APP: variants seen among roughly 807,000 people sequenced by gnomAD.
APP encodes amyloid-beta precursor protein.
Under a neutral mutation model 101.4 loss-of-function variants are expected in APP, and 31 were observed. The ratio of observed to expected loss-of-function variants is 0.31; its 90% CI spans 0.23 to 0.41. The LOEUF is 0.41. Ranked by LOEUF, APP falls within the 10% of genes least tolerant of loss-of-function variation. The pLI, the probability that APP is intolerant of heterozygous loss-of-function variation, is 1.00. For missense variants in APP, 839 were observed against 1,003.7 expected, an observed-to-expected ratio of 0.84 and a Z score of 2.22; for synonymous variants, 366 against 364.4, an observed-to-expected ratio of 1.00 and a Z score of -0.05.
rs527277111 is a variant in APP, at chr21:26,011,014, A to T, written c.865+10826T>A. ...GCACTCCAGCCTGGGCGACAGCAAG[A>T]CTCCGTCTTTGGGGGATGAGACACA... On this transcript the variant is annotated intron_variant, in intron 6 of 17. Transcript: ENST00000346798. 4.6e-5 allele frequency among the ~76,000 whole-genome samples: 7 copies of T among 151,164 alleles called. No individual in the cohort carries two copies. The East Asian group carries it at 1.4e-3, about 29-fold the overall frequency.
At chr21:26,084,625 G>A (rs2061667841) in intron 3 of APP, among the ~76,000 whole-genome samples, 1 of 152,186 alleles carries the variant, frequency 6.6e-6, no homozygotes, top group African/African-American at 2.4e-5. Context: ...AGGAATCTGT[G>A]AGATAAATGT....
intron 11 of APP, among the ~76,000 whole-genome samples, chr21:25,970,441 A>G (rs1196627774): frequency 1.3e-5 from 2 of 152,184 alleles, no homozygotes; most frequent in Non-Finnish European, 2.9e-5. Flanking sequence ...TTTCTGCTAT[A>G]AAGATTCTGG....
At chr21:25,998,444 A>T (rs1359338800) in intron 7 of APP, among the ~76,000 whole-genome samples, 1 of 151,592 alleles carries the variant, frequency 6.6e-6, no homozygotes, top group Non-Finnish European at 1.5e-5. Context: ...CTGTTCACAC[A>T]TGGGACTGAA....
At chr21:25,900,528 C>T (rs1156339761) in intron 15 of APP, among the ~76,000 whole-genome samples, 1 of 151,872 alleles carries the variant, frequency 6.6e-6, no homozygotes, top group Non-Finnish European at 1.5e-5. Flanking sequence ...CCACTGCACT[C>T]CAGCCTGGGT....
At chr21:26,151,533 C>G (rs766002790) in intron 1 of APP, among the ~76,000 whole-genome samples, 7 of 152,026 alleles carry the variant, frequency 4.6e-5, no homozygotes, top group African/African-American at 1.7e-4. Context: ...TTGACAGCAG[C>G]AATTTATAGC....
intron 6 of APP, among the ~76,000 whole-genome samples, chr21:26,004,275 CTTTTTTTT>C (rs71183538): frequency 1.9e-4 from 14 of 72,800 alleles, no homozygotes; most frequent in South Asian, 7.4e-4. Flanking sequence ...TGTATTAATT[CTTTTTTTT>C]TTTTTTTTTT....
intron 14 of APP, among the ~76,000 whole-genome samples, chr21:25,910,141 T>C (rs1447125439): frequency 6.6e-6 from 1 of 152,130 alleles, no homozygotes; most frequent in South Asian, 2.1e-4. Context: ...ATTTATTTTT[T>C]TTAAATTTAA....
chr21:25,976,345 G>A (rs1376832966), intron 9 of APP, among the ~76,000 whole-genome samples: 2 of 151,854 alleles, frequency 1.3e-5, no homozygotes, highest in African/African-American at 4.8e-5. Context: ...ATTCATGGAA[G>A]GCACACATTA....
At chr21:26,059,874 G>C (rs1221291171) in intron 3 of APP, among the ~76,000 whole-genome samples, 1 of 114,644 alleles carries the variant, frequency 8.7e-6, no homozygotes, top group African/African-American at 3.5e-5. Context: ...CTGAGCGAAA[G>C]AGCGAGACTC....
chr21:25,893,981 GC>G (rs2037862207), intron 16 of APP, among the ~76,000 whole-genome samples: 1 of 152,192 alleles, frequency 6.6e-6, no homozygotes, highest in Non-Finnish European at 1.5e-5. Context: ...TGTTTTTGAA[GC>G]CAAGACTGAC....
chr21:26,037,595 G>A (rs564720369), intron 5 of APP, among the ~76,000 whole-genome samples: 28 of 152,280 alleles, frequency 1.8e-4, no homozygotes, highest in African/African-American at 6.7e-4. Context: ...ATAACTAGAC[G>A]AGGCACTTAG....
At chr21:25,955,828 G>A (rs940059203) in intron 11 of APP, 73 bp from the exon 12 acceptor site, 8 of 1,607,070 alleles carry the variant, frequency 5.0e-6, no homozygotes, top group Non-Finnish European at 6.8e-6. Flanking sequence ...CGATGGGTTA[G>A]AGGTTCCACT....
At chr21:26,139,866 G>A (rs910634151) in intron 1 of APP, among the ~76,000 whole-genome samples, 10 of 147,556 alleles carry the variant, frequency 6.8e-5, no homozygotes, top group African/African-American at 2.0e-4. Context: ...GCAACAGAGC[G>A]AGACTCCGTC....
At chr21:26,161,825 G>A (rs2063496492) in intron 1 of APP, among the ~76,000 whole-genome samples, 1 of 152,062 alleles carries the variant, frequency 6.6e-6, no homozygotes, top group African/African-American at 2.4e-5. Context: ...TTCATATGAT[G>A]GGTTTTAATG....
chr21:25,958,272 A>AATT (rs200295641), intron 11 of APP, among the ~76,000 whole-genome samples: 1 of 151,532 alleles, frequency 6.6e-6, no homozygotes, highest in African/African-American at 2.4e-5. Context: ...TATTCCCACT[A>AATT]ATTATTATTA....
At chr21:26,161,207 CCCA>C (rs972027606) in intron 1 of APP, among the ~76,000 whole-genome samples, 12 of 152,266 alleles carry the variant, frequency 7.9e-5, no homozygotes, top group East Asian at 1.9e-4. Context: ...ACTTCTCTCT[CCCA>C]CCACTTGTTT....
At chr21:26,120,993 C>T (rs879928534) in intron 1 of APP, among the ~76,000 whole-genome samples, 2 of 152,096 alleles carry the variant, frequency 1.3e-5, no homozygotes, top group Admixed American at 6.5e-5. Flanking sequence ...CGTAGGCTCC[C>T]GCCCAGCCCT....
chr21:25,954,578 C>T lies in APP; in HGVS notation c.1687+12G>A. On this transcript the variant is annotated intron_variant, in intron 13 of 17. Transcript: ENST00000346798. ...ATGTCCATGTGCAGCATCAAAAGAA[C>T]AGCTTACTTACCAACTTCATCCTGA... 3 of 1,604,468 alleles carry T rather than the reference C, an allele frequency of 1.9e-6. No individual in the cohort carries two copies. The highest frequency in any genetic ancestry group is 2.6e-6 in the Non-Finnish European group (3 of 1,171,622).
intron 2 of APP, among the ~76,000 whole-genome samples, chr21:26,093,720 C>G (rs550192098): frequency 6.6e-6 from 1 of 152,258 alleles, no homozygotes; most frequent in African/African-American, 2.4e-5. Flanking sequence ...CAGTTCCCAC[C>G]AGGAAATCTA....
Sources: gnomAD v4.1 joint callset for allele counts (sites outside exome capture counted in the v4.1 genomes callset) on GRCh38, gnomAD v4.1.1 for gene constraint, MANE v1.5 for transcripts, NCBI Gene and HGNC (gene_info 2026-07-23, HGNC 2026-07-21) for gene names.